Variants in TRAF3 observed in about 807,000 individuals in gnomAD.
TRAF3 encodes TNF receptor associated factor 3, also known as TNF receptor-associated factor 3.
In TRAF3, 13 loss-of-function variants were observed where a neutral mutation model predicts 62.3. The ratio of observed to expected loss-of-function variants is 0.21; its 90% CI spans 0.14 to 0.33. The LOEUF (loss-of-function observed/expected upper bound fraction) is 0.33. TRAF3 is among the 10% of genes least tolerant of loss of function. TRAF3 has a pLI of 1.00. For missense variants in TRAF3, 440 were observed against 741.8 expected (o/e 0.59, Z 4.73); for synonymous variants, 269 against 283.4 (o/e 0.95, Z 0.51).
At chr14:102,847,073 T>C (rs1886770388) in intron 2 of TRAF3, among the ~76,000 whole-genome samples, 1 of 152,234 alleles carries the variant, frequency 6.6e-6, no homozygotes. Flanking sequence ...CATGTTCCAT[T>C]AAAAAAATGT....
intron 1 of TRAF3, among the ~76,000 whole-genome samples, chr14:102,818,966 A>T (rs906228883): frequency 2.0e-5 from 3 of 152,040 alleles, no homozygotes; most frequent in Non-Finnish European, 4.4e-5. Flanking sequence ...TAAATTTTTT[A>T]AAAATTACAA....
rs1239036270 is a variant in TRAF3, at chr14:102,903,126, G to A, written c.961-129G>A. ...GAGCCCCACTCCTGGAGTCAGAGCC[G>A]CGGGTGGCAGGCCTCATACAGGGGC... On this transcript the variant is annotated intron_variant, in intron 10 of 11. Coordinates refer to ENST00000392745, the MANE Select transcript of TRAF3 (RefSeq NM_145725.3). The surrounding 1 kb of genome is among the most constrained non-coding windows in gnomAD (Gnocchi z 6.4). The A allele has an allele frequency of 3.9e-6, 5 of 1,296,364 alleles. No individual in the cohort carries two copies. Among genetic ancestry groups the A allele is most frequent in the Admixed American group, 1.8e-5 (1 of 55,192 alleles). The allele number at this position is 1,296,364 out of a possible 1,614,324, so 80.3% of individuals were successfully genotyped here. A position where few individuals can be genotyped will look rare whatever the true frequency, so the allele number is the denominator to read the frequency against.
At chr14:102,812,413 T>C (rs564724647) in intron 1 of TRAF3, among the ~76,000 whole-genome samples, 5 of 152,356 alleles carry the variant, frequency 3.3e-5, no homozygotes, top group African/African-American at 1.2e-4. Context: ...GACACCTAGA[T>C]TGATTCCCTG....
At chr14:102,823,044 G>T (rs1595332015) in intron 1 of TRAF3, among the ~76,000 whole-genome samples, 1 of 151,956 alleles carries the variant, frequency 6.6e-6, no homozygotes, top group Non-Finnish European at 1.5e-5. Flanking sequence ...TTGTAATGAT[G>T]ATTTGAGCCA....
intron 1 of TRAF3, among the ~76,000 whole-genome samples, chr14:102,829,131 T>C (rs1900506364): frequency 6.6e-6 from 1 of 152,162 alleles, no homozygotes; most frequent in Non-Finnish European, 1.5e-5. Context: ...TTGCAATGAA[T>C]TAGTGGCCCC....
chr14:102,829,587 T>C (rs2139621715), intron 1 of TRAF3, among the ~76,000 whole-genome samples: 1 of 152,310 alleles, frequency 6.6e-6, no homozygotes. Context: ...AAAGCACAGT[T>C]GCAGCCGCAT....
intron 1 of TRAF3, among the ~76,000 whole-genome samples, chr14:102,781,804 T>TG (rs1209069323): frequency 1.7e-4 from 26 of 149,736 alleles, no homozygotes; most frequent in Non-Finnish European, 3.6e-4. Context: ...TTTTTTTTTT[T>TG]TTTTTTGAGA....
Position 102,906,930 on chromosome 14 carries a change from A to C in TRAF3, c.*1146A>C, listed in dbSNP as rs1890612137. ...CTTAGATGGGACATGCTGCTTCTCC[A>C]CCCTGGGTTTGCATTGAGCATCATT... is the stretch of plus-strand genomic sequence containing the variant. On this transcript the variant is annotated 3_prime_UTR_variant, in exon 12 of 12. Coordinates refer to ENST00000392745, the MANE Select transcript of TRAF3 (RefSeq NM_145725.3). 6.6e-6 allele frequency: 1 copy of C among 152,058 alleles called. No homozygotes were observed. Among genetic ancestry groups the C allele is most frequent in the African/African-American group, 2.4e-5 (1 of 41,370 alleles). 9.4% of individuals were successfully genotyped at this position (152,058 alleles called of 1,614,324 possible). A position where few individuals can be genotyped will look rare whatever the true frequency, so the allele number is the denominator to read the frequency against.
chr14:102,785,988 G>A (rs1203278090), intron 1 of TRAF3, among the ~76,000 whole-genome samples: 2 of 152,194 alleles, frequency 1.3e-5, no homozygotes, highest in Non-Finnish European at 2.9e-5. Context: ...GTGCATCTGG[G>A]ATAGGTCTCT....
chr14:102,905,118 A>G (rs76816452), intron 11 of TRAF3, 95 bp from the exon 12 acceptor site: 2 of 1,308,966 alleles, frequency 1.5e-6, no homozygotes, highest in African/African-American at 2.9e-5. Flanking sequence ...TCTCAAAAAA[A>G]TGAAATAAAA....
chr14:102,884,163 C>G lies in TRAF3; in HGVS notation c.571-2026C>G, dbSNP rs373463972. Among the ~76,000 whole-genome samples the G allele has an allele frequency of 3.3e-5, 5 of 152,214 alleles. No individual in the cohort carries two copies. The East Asian group carries it at 9.7e-4, about 29-fold the overall frequency. On this transcript the variant is annotated intron_variant, in intron 6 of 11. Transcript: ENST00000392745. ...CTGTAGGGAAGGCTTCCCTGCCCCT[C>G]TCAGTTTCTGGAGCCACCAGCAGTC...
chr14:102,815,603 A>G (rs909599269), intron 1 of TRAF3, among the ~76,000 whole-genome samples: 2 of 152,136 alleles, frequency 1.3e-5, no homozygotes, highest in Admixed American at 6.6e-5. Context: ...TTACATGTGT[A>G]TATTTACATT....
chr14:102,791,362 C>T (rs1468439594), intron 1 of TRAF3, among the ~76,000 whole-genome samples: 1 of 152,142 alleles, frequency 6.6e-6, no homozygotes, highest in East Asian at 1.9e-4. Flanking sequence ...CCTTTAATTT[C>T]TTTAAGCAAT....
In TRAF3 at chr14:102,801,591, G is replaced by A. The variant is rs189781804; in HGVS notation, c.-157+23916G>A. On this transcript the variant is annotated intron_variant, in intron 1 of 11. Coordinates refer to ENST00000392745, the MANE Select transcript of TRAF3 (RefSeq NM_145725.3). ...ACTCTGTCACCCAGGCTGAGGTGCA[G>A]TAGTACAATCACAGCTCACTGCAGC... Among the ~76,000 whole-genome samples the A allele has an allele frequency of 4.6e-5, 7 of 152,134 alleles. No individual in the cohort carries two copies. In the East Asian group the frequency reaches 1.4e-3, roughly 29 times the overall value.
intron 1 of TRAF3, among the ~76,000 whole-genome samples, chr14:102,787,414 C>T (rs1274503745): frequency 1.3e-5 from 2 of 151,806 alleles, no homozygotes; most frequent in Non-Finnish European, 2.9e-5. Flanking sequence ...TGGTGGCTCA[C>T]GCCTGTAATC....
intron 10 of TRAF3, among the ~76,000 whole-genome samples, chr14:102,901,911 G>A (rs572552707): frequency 6.6e-6 from 1 of 152,332 alleles, no homozygotes; most frequent in South Asian, 2.1e-4. Flanking sequence ...TTGTGAGGTG[G>A]CTCAGTCATT....
intron 2 of TRAF3, among the ~76,000 whole-genome samples, chr14:102,861,760 A>G (rs1887691421): frequency 6.6e-6 from 1 of 152,242 alleles, no homozygotes; most frequent in Non-Finnish European, 1.5e-5. Context: ...GTGGCTACTC[A>G]ATAGGCAGAG....
intron 1 of TRAF3, among the ~76,000 whole-genome samples, chr14:102,796,837 T>C (rs1055705189): frequency 3.3e-5 from 5 of 152,242 alleles, no homozygotes; most frequent in Non-Finnish European, 7.3e-5. Context: ...CTGTTCCTCA[T>C]TCTGTCCTTT....
intron 6 of TRAF3, among the ~76,000 whole-genome samples, chr14:102,881,308 C>T (rs748276885): frequency 5.9e-5 from 9 of 151,422 alleles, no homozygotes; most frequent in Middle Eastern, 3.4e-3. Context: ...CACTTGGACC[C>T]GGGAAGTGGA....
Sources: allele counts gnomAD v4.1 joint callset (sites outside exome capture counted in the v4.1 genomes callset), GRCh38; gene constraint gnomAD v4.1.1; non-coding constraint Gnocchi (gnomAD v3.1); transcripts MANE v1.5; gene names NCBI Gene and HGNC (gene_info 2026-07-23, HGNC 2026-07-21).